Variants in AHCTF1 observed in about 807,000 individuals in gnomAD.
AHCTF1 encodes AT-hook containing transcription factor 1.
In AHCTF1, 24 loss-of-function variants were observed where a neutral mutation model predicts 248.4. The ratio of observed to expected loss-of-function variants is 0.10; its 90% confidence interval spans 0.07 to 0.14. AHCTF1 has a LOEUF of 0.14. AHCTF1 is among the 10% of genes least tolerant of loss of function. AHCTF1 has a pLI of 1.00. For synonymous variants in AHCTF1, 786 were observed against 929.8 expected (o/e 0.85, Z 2.81); for missense variants, 2,206 against 2,636.2 (o/e 0.84, Z 3.57).
intron 10 of AHCTF1, 129 bp from the exon 11 acceptor site, chr1:246,899,641 A>G: frequency 1.6e-6 from 1 of 628,414 alleles, no homozygotes; most frequent in South Asian, 2.6e-5. Context: ...CTTTAAATAA[A>G]CTTTTCTAGG....
In AHCTF1 at chr1:246,916,434, T is replaced by C. The variant is rs377574206; in HGVS notation, c.122-39A>G. ...AAATTGCCTATTTTAATATTGTATA[T>C]ACACAAAACATGCAATAACGGTTAG... On this transcript the variant is annotated intron_variant, in intron 2 of 35. Transcript: ENST00000648844. 9.6e-5 allele frequency: 150 copies of C among 1,560,838 alleles called. 1 individual carries two copies. The highest frequency in any genetic ancestry group is 1.2e-4 in the Non-Finnish European group (141 of 1,149,580).
chr1:246,903,539 G>C (rs187401056), intron 7 of AHCTF1, among the ~76,000 whole-genome samples: 1 of 151,832 alleles, frequency 6.6e-6, no homozygotes, highest in Admixed American at 6.6e-5. Context: ...TATAAGAATC[G>C]CTTTTCACAG....
Position 246,849,598 on chromosome 1 carries a change from C to T in AHCTF1, c.6391+17G>A. On this transcript the variant is annotated intron_variant, in intron 33 of 35. Transcript: ENST00000648844. ...GTGACTGAGATGAAAAACTGTTTTG[C>T]AGAGAAAGAAAAGTACCTTTTGCTT... 1 of 1,580,590 alleles carries T rather than the reference C, an allele frequency of 6.3e-7. No homozygotes were observed. The highest frequency in any genetic ancestry group is 8.6e-7 in the Non-Finnish European group (1 of 1,163,750).
chr1:246,902,643 C>T lies in AHCTF1; in HGVS notation c.999G>A (p.Leu333=). The T allele has an allele frequency of 6.2e-7, 1 of 1,613,336 alleles. No individual in the cohort carries two copies. The highest frequency in any genetic ancestry group is 1.1e-5 in the South Asian group (1 of 90,982). The change falls in exon 8 of 36, where the codon CTG becomes CTA. Residue 333 remains leucine, a synonymous_variant. Coordinates refer to ENST00000648844, the MANE Select transcript of AHCTF1 (RefSeq NM_001323342.2). ...GLEYCEERYT[L]DLTGGMFPLR... ...AAGGGAACATGCCACCTGTCAGGTC[C>T]AGGGTGTATCTTTCTTCACAGTATT...
intron 24 of AHCTF1, 81 bp from the exon 25 acceptor site, chr1:246,867,892 C>T: frequency 2.1e-5 from 5 of 234,452 alleles, no homozygotes; most frequent in Non-Finnish European, 2.6e-5. Context: ...AATGATTACA[C>T]CCCCCCCCCC....
At chr1:246,919,116 T>C (rs1666345877) in intron 1 of AHCTF1, among the ~76,000 whole-genome samples, 1 of 152,168 alleles carries the variant, frequency 6.6e-6, no homozygotes, top group South Asian at 2.1e-4. Flanking sequence ...ACAGAAAGAT[T>C]TTAGCCATCT....
At chr1:246,841,475 G>T (rs531827419) in intron 35 of AHCTF1, among the ~76,000 whole-genome samples, 1 of 152,192 alleles carries the variant, frequency 6.6e-6, no homozygotes, top group East Asian at 1.9e-4. Flanking sequence ...ATTAGCCATA[G>T]TGTCTTAAAT....
chr1:246,854,224 G>A (rs1660933129), intron 31 of AHCTF1, among the ~76,000 whole-genome samples: 1 of 146,718 alleles, frequency 6.8e-6, no homozygotes, highest in South Asian at 2.1e-4. Flanking sequence ...GCGTGAGCCT[G>A]GGAGGCGGAG....
intron 24 of AHCTF1, 80 bp from the exon 25 acceptor site, chr1:246,867,891 ACCCCCCC>A (rs936329065): frequency 1.5e-5 from 5 of 332,388 alleles, no homozygotes; most frequent in Non-Finnish European, 2.2e-5. Flanking sequence ...GAATGATTAC[ACCCCCCC>A]CCCCACACAC....
In AHCTF1 at chr1:246,891,078, C is replaced by T; in HGVS notation, c.1946-18G>A. On this transcript the variant is annotated intron_variant, in intron 15 of 35. Coordinates refer to ENST00000648844, the MANE Select transcript of AHCTF1 (RefSeq NM_001323342.2). ...TATCAGTCCTGTAAAGAAGAGTTAACATCAGTTGTTTACTTACAAAAAAAT... is the reference window on the plus strand; with the variant it reads ...TATCAGTCCTGTAAAGAAGAGTTAATATCAGTTGTTTACTTACAAAAAAAT... 9 of 1,493,470 alleles carry T rather than the reference C, an allele frequency of 6.0e-6. No individual in the cohort carries two copies. Among genetic ancestry groups the T allele is most frequent in the Non-Finnish European group, 8.0e-6 (9 of 1,119,506 alleles). 92.5% of individuals were successfully genotyped at this position (1,493,470 alleles called of 1,614,324 possible).
chr1:246,868,697 G>C (rs1280698825), intron 24 of AHCTF1, among the ~76,000 whole-genome samples: 1 of 151,096 alleles, frequency 6.6e-6, no homozygotes, highest in Non-Finnish European at 1.5e-5. Context: ...CTTTCATTAT[G>C]CATACACTAG....
At chr1:246,847,398 C>T (rs1660356834) in intron 33 of AHCTF1, among the ~76,000 whole-genome samples, 2 of 152,062 alleles carry the variant, frequency 1.3e-5, no homozygotes. Flanking sequence ...AAATACCAAC[C>T]ATACATATGT....
Position 246,851,129 on chromosome 1 carries a change from A to G in AHCTF1, c.4877T>C (p.Leu1626Pro), listed in dbSNP as rs1214584925. Residue 1626 changes from leucine to proline, a missense_variant, in exon 33 of 36, where the codon CTT (leucine) becomes CCT (proline). This residue lies in a region of AHCTF1 where 955 missense variants were observed against 1,055.6 expected (regional missense o/e 0.90). Transcript: ENST00000648844. ...KAANTATEEKLVCSGENDNHG... is the reference protein window; with the variant it reads ...KAANTATEEKPVCSGENDNHG... ...ATTATCATTTTCCCCACTGCATACA[A>G]GTTTTTCTTCAGTTGCTGTGTTAGC... The G allele has an allele frequency of 2.5e-6, 4 of 1,613,912 alleles. No homozygotes were observed. The highest frequency in any genetic ancestry group is 3.4e-6 in the Non-Finnish European group (4 of 1,179,850).
chr1:246,862,943 G>C (rs1346100240), intron 27 of AHCTF1, among the ~76,000 whole-genome samples: 2 of 152,042 alleles, frequency 1.3e-5, no homozygotes, highest in Non-Finnish European at 2.9e-5. Flanking sequence ...GCCTCTAAAG[G>C]CCTAGTAAAC....
At position 246,899,465 on chromosome 1, in the gene AHCTF1, C is replaced by T; in HGVS notation, c.1480G>A (p.Gly494Ser). 6.2e-7 allele frequency: 1 copy of T among 1,607,094 alleles called. No homozygotes were observed. Among genetic ancestry groups the T allele is most frequent in the East Asian group, 2.3e-5 (1 of 44,378 alleles). Residue 494 changes from glycine to serine, a missense_variant, in exon 11 of 36, where the codon GGC becomes AGC. Physicochemically the swap from Gly to Ser is moderately conservative, Grantham distance 56 (BLOSUM62 0). Coordinates refer to ENST00000648844, the MANE Select transcript of AHCTF1 (RefSeq NM_001323342.2). ...NSGVVHLTCT[G>S]FQKETLTFLK... ...TTGTTACCTACCTCCTTCTGAAAGC[C>T]AGTACAAGTTAAATGAACAACTCCC... is the stretch of plus-strand genomic sequence containing the variant.
At chr1:246,843,715 T>C (rs1476056204) in intron 34 of AHCTF1, 80 bp downstream of exon 34, 1 of 585,844 alleles carries the variant, frequency 1.7e-6, no homozygotes, top group Non-Finnish European at 2.2e-6. Context: ...AAAATTTAAA[T>C]AAAATAATTT....
rs35048146 is a variant in AHCTF1, at chr1:246,890,078, G to GA, written c.2051-20dup. 1.9e-5 allele frequency: 29 copies of GA among 1,556,300 alleles called. No individual in the cohort carries two copies. The Admixed American group carries it at 1.9e-4, about 10-fold the overall frequency. On this transcript the variant is annotated intron_variant, in intron 16 of 35. Transcript: ENST00000648844. The stretch of plus-strand genomic sequence containing the variant: ...GAATCATCTAGATTTTTAAGAGTTG[G>GA]AAAAAAAGCTGGTAATAATCCCCAA...
chr1:246,906,607 G>A (rs1665413731), intron 5 of AHCTF1, among the ~76,000 whole-genome samples: 1 of 151,862 alleles, frequency 6.6e-6, no homozygotes, highest in Non-Finnish European at 1.5e-5. Flanking sequence ...AAAAAGAGCT[G>A]ATAAAAGGAT....
At chr1:246,841,244 T>G (rs1369573824) in intron 35 of AHCTF1, among the ~76,000 whole-genome samples, 3 of 152,318 alleles carry the variant, frequency 2.0e-5, no homozygotes, top group Admixed American at 2.0e-4. Flanking sequence ...ATTATTCAAT[T>G]ACTGAATTTT....
Sources: gnomAD v4.1 joint callset for allele counts (sites outside exome capture counted in the v4.1 genomes callset) on GRCh38, gnomAD v4.1.1 for gene constraint, gnomAD v4.1.1 regional missense constraint, MANE v1.5 for transcripts, NCBI Gene and HGNC (gene_info 2026-07-23, HGNC 2026-07-21) for gene names.